The following ARHGAP24 variants were observed in gnomAD, a reference collection of about 807,000 sequenced individuals.
ARHGAP24 encodes rho GTPase-activating protein 24.
In ARHGAP24, 50 loss-of-function variants were observed where a neutral mutation model predicts 76.4. The ratio of observed to expected loss-of-function variants is 0.65; its 90% CI spans 0.52 to 0.83. The LOEUF is 0.83. Among genes scored for constraint, ARHGAP24 ranks in the 40% least tolerant of loss-of-function variants. ARHGAP24 has a pLI of 0.00. For missense variants in ARHGAP24, 930 were observed against 914.2 expected, an observed-to-expected ratio of 1.02 and a Z score of -0.22; for synonymous variants, 345 against 323.3, an observed-to-expected ratio of 1.07 and a Z score of -0.72.
intron 9 of ARHGAP24, among the ~76,000 whole-genome samples, chr4:85,996,824 C>T (rs1740689276): frequency 1.3e-5 from 2 of 152,018 alleles, no homozygotes; most frequent in African/African-American, 4.8e-5. Flanking sequence ...GAATTACTGC[C>T]AATCCATGAT....
chr4:85,554,360 G>T (rs1726265150), intron 1 of ARHGAP24, among the ~76,000 whole-genome samples: 1 of 152,136 alleles, frequency 6.6e-6, no homozygotes, highest in South Asian at 2.1e-4. Flanking sequence ...CTCTAGCGAG[G>T]TTAAGGAAGT....
intron 1 of ARHGAP24, among the ~76,000 whole-genome samples, chr4:85,487,432 A>G (rs1396269733): frequency 3.0e-5 from 3 of 100,188 alleles, no homozygotes; most frequent in East Asian, 3.2e-4. Flanking sequence ...ATATAAATAT[A>G]TAAATATATA....
chr4:85,764,492 T>C (rs1354860283), intron 3 of ARHGAP24, among the ~76,000 whole-genome samples: 1 of 152,186 alleles, frequency 6.6e-6, no homozygotes, highest in East Asian at 1.9e-4. Context: ...ATTAACCAGA[T>C]AAAACACAGG....
chr4:85,881,095 G>C (rs1358247927), intron 3 of ARHGAP24, among the ~76,000 whole-genome samples: 1 of 152,152 alleles, frequency 6.6e-6, no homozygotes, highest in African/African-American at 2.4e-5. Context: ...CTTGAACACA[G>C]GCACTGTGAT....
intron 3 of ARHGAP24, among the ~76,000 whole-genome samples, chr4:85,904,587 T>C (rs991964535): frequency 1.3e-5 from 2 of 152,228 alleles, no homozygotes; most frequent in Non-Finnish European, 2.9e-5. Flanking sequence ...CAATTTTTAA[T>C]GCAATATAAT....
chr4:85,600,082 A>C (rs554988882), intron 2 of ARHGAP24, among the ~76,000 whole-genome samples: 35 of 152,280 alleles, frequency 2.3e-4, no homozygotes, highest in African/African-American at 7.7e-4. Flanking sequence ...TAGACAATTA[A>C]AGGATAGGTT....
At chr4:85,720,782 A>G (rs548685011) in intron 2 of ARHGAP24, among the ~76,000 whole-genome samples, 2 of 152,180 alleles carry the variant, frequency 1.3e-5, no homozygotes, top group East Asian at 3.9e-4. Flanking sequence ...GAAATTAGGG[A>G]AAAACCTAGA....
chr4:85,629,648 T>C (rs989505352), intron 2 of ARHGAP24, among the ~76,000 whole-genome samples: 1 of 152,178 alleles, frequency 6.6e-6, no homozygotes, highest in Admixed American at 6.5e-5. Context: ...TTTTTTTTAT[T>C]TGAACAGTTT....
At chr4:85,895,000 G>C (rs200527469) in intron 3 of ARHGAP24, among the ~76,000 whole-genome samples, 138 of 47,896 alleles carry the variant, frequency 2.9e-3, no homozygotes, top group East Asian at 0.016. Flanking sequence ...AAAACAAAAA[G>C]CAAAAAAAAA....
chr4:85,564,404 G>GA (rs1726729752), intron 1 of ARHGAP24, among the ~76,000 whole-genome samples: 1 of 142,312 alleles, frequency 7.0e-6, no homozygotes, highest in African/African-American at 3.0e-5. Context: ...GGGGTGGGGG[G>GA]AGCGGGGGGG....
chr4:85,669,856 A>G (rs1722765541), intron 2 of ARHGAP24, among the ~76,000 whole-genome samples: 1 of 151,750 alleles, frequency 6.6e-6, no homozygotes, highest in Admixed American at 6.6e-5. Context: ...AGATATAGGT[A>G]TTTGCAGCAA....
At chr4:85,867,778 T>A (rs1732276227) in intron 3 of ARHGAP24, among the ~76,000 whole-genome samples, 1 of 150,192 alleles carries the variant, frequency 6.7e-6, no homozygotes, top group Admixed American at 6.7e-5. Flanking sequence ...GACTTTTAGA[T>A]CATCTAGATT....
rs575976749 is a variant in ARHGAP24 at position 85,726,428 on chromosome 4, C to T, written c.268+4456C>T. On this transcript the variant is annotated intron_variant, in intron 3 of 9. Transcript: ENST00000395184. Reference sequence around the variant, plus strand: ...GGAAAGCAGGATGCGACAGGAACACCTGCCCTGCAACGCTGTAGCAACTGA... The same window carrying T: ...GGAAAGCAGGATGCGACAGGAACACTTGCCCTGCAACGCTGTAGCAACTGA... 7.2e-5 allele frequency among the ~76,000 whole-genome samples: 11 copies of T among 152,284 alleles called. No individual in the cohort carries two copies. The South Asian group carries it at 2.1e-3, about 29-fold the overall frequency.
intron 2 of ARHGAP24, among the ~76,000 whole-genome samples, chr4:85,691,235 T>A (rs2101135): frequency 0.36 from 53,941 of 151,886 alleles, 11,932 homozygotes; most frequent in African/African-American, 0.62. Flanking sequence ...TGATTTTTTT[T>A]AAAATGTATT....
At chr4:85,485,314 C>G (rs1199516140) in intron 1 of ARHGAP24, among the ~76,000 whole-genome samples, 3 of 116,658 alleles carry the variant, frequency 2.6e-5, no homozygotes, top group Admixed American at 1.1e-4. Flanking sequence ...CACCACCACA[C>G]TTCAGCCTGG....
intron 1 of ARHGAP24, among the ~76,000 whole-genome samples, chr4:85,564,194 G>A (rs915668864): frequency 2.1e-4 from 32 of 152,142 alleles, no homozygotes; most frequent in African/African-American, 7.0e-4. Context: ...TGTCGTTAAA[G>A]ATGTTGTTCT....
At chr4:85,600,026 A>G (rs1719982455) in intron 2 of ARHGAP24, among the ~76,000 whole-genome samples, 1 of 152,038 alleles carries the variant, frequency 6.6e-6, no homozygotes, top group Admixed American at 6.6e-5. Flanking sequence ...GTATAGTTAT[A>G]AACCATGTTA....
chr4:85,831,481 G>A (rs1277086992), intron 3 of ARHGAP24, among the ~76,000 whole-genome samples: 4 of 152,146 alleles, frequency 2.6e-5, no homozygotes, highest in Non-Finnish European at 5.9e-5. Context: ...ATATTTTTAT[G>A]ATAAAGTATA....
rs555501923 is a variant in ARHGAP24 at position 85,852,069 on chromosome 4, G to A, written c.269-71579G>A. Among the ~76,000 whole-genome samples, 372 of 152,214 alleles carry A rather than the reference G, an allele frequency of 2.4e-3. 2 individuals carry two copies. The highest frequency in any genetic ancestry group is 8.0e-3 in the African/African-American group (333 of 41,532). On this transcript the variant is annotated intron_variant, in intron 3 of 9. Coordinates refer to ENST00000395184, the MANE Select transcript of ARHGAP24 (RefSeq NM_001025616.3). ...TTTCCAGCTTGGTTCCATTCTCCCC[G>A]TCACTTTCAGGTACACCAATCAAAC...
Sources: gnomAD v4.1 joint callset for allele counts (sites outside exome capture counted in the v4.1 genomes callset) on GRCh38, gnomAD v4.1.1 for gene constraint, MANE v1.5 for transcripts, NCBI Gene and HGNC (gene_info 2026-07-23, HGNC 2026-07-21) for gene names.